The following RNLS variants were observed in gnomAD, a reference collection of about 807,000 sequenced individuals.
RNLS encodes renalase.
In RNLS, 39 loss-of-function variants were observed where a neutral mutation model predicts 39.8. The observed-to-expected ratio is 0.98, with a 90% CI of 0.76 to 1.28. The LOEUF (loss-of-function observed/expected upper bound fraction) is 1.28. RNLS is among the 50% of genes most tolerant of loss of function. The probability of loss-of-function intolerance (pLI) is 0.00; values close to 1 mark genes in which losing one functional copy is unlikely to be tolerated. For synonymous variants in RNLS, 147 were observed against 150.7 expected (o/e 0.98, Z 0.18); for missense variants, 410 against 413.3 (o/e 0.99, Z 0.07).
At chr10:88,248,304 G>A in the RNLS span, among the ~76,000 whole-genome samples, 18 of 152,284 alleles carry the variant, frequency 1.2e-4, no homozygotes, top group Admixed American at 1.1e-3. Flanking sequence ...GTGGCAAAGA[G>A]CACAAATTCT....
intron 4 of RNLS, among the ~76,000 whole-genome samples, chr10:88,434,538 G>C (rs1161021507): frequency 6.6e-6 from 1 of 152,132 alleles, no homozygotes; most frequent in East Asian, 1.9e-4. Flanking sequence ...GAGTTTCTGA[G>C]CTAGTTGCTT....
At chr10:88,535,969 C>G (rs1847734187) in intron 4 of RNLS, among the ~76,000 whole-genome samples, 1 of 152,108 alleles carries the variant, frequency 6.6e-6, no homozygotes, top group Non-Finnish European at 1.5e-5. Flanking sequence ...GAAATATCCT[C>G]CATCTCAGTA....
rs1279851384 is a variant in RNLS at position 88,371,793 on chromosome 10, A to T, written c.527-9068T>A. Among the ~76,000 whole-genome samples, 3 of 152,176 alleles carry T rather than the reference A, an allele frequency of 2.0e-5. No individual in the cohort carries two copies. In the East Asian group the frequency reaches 5.8e-4, roughly 29 times the overall value. ...TATGGAGAATGCTAATCATTACCTG[A>T]ATACAAATCATGACTTGAATACACC... On this transcript the variant is annotated intron_variant, in intron 4 of 6. Transcript: ENST00000331772.
At chr10:88,565,833 T>A (rs1038623003) in intron 4 of RNLS, among the ~76,000 whole-genome samples, 14 of 141,282 alleles carry the variant, frequency 9.9e-5, no homozygotes, top group Non-Finnish European at 3.0e-5. Flanking sequence ...CACTGCAACC[T>A]CCGCCTCCCA....
intron 4 of RNLS, among the ~76,000 whole-genome samples, chr10:88,542,418 C>A (rs1216953533): frequency 1.3e-5 from 2 of 152,140 alleles, no homozygotes; most frequent in Non-Finnish European, 2.9e-5. Flanking sequence ...TCTAAAAAGA[C>A]AACGTGTACA....
intron 4 of RNLS, among the ~76,000 whole-genome samples, chr10:88,436,258 G>T (rs1841404150): frequency 1.3e-5 from 2 of 152,148 alleles, no homozygotes; most frequent in African/African-American, 4.8e-5. Flanking sequence ...AGTGTGATGA[G>T]ACCCAGGGGC....
intron 4 of RNLS, among the ~76,000 whole-genome samples, chr10:88,493,060 G>T (rs1037310141): frequency 1.3e-5 from 2 of 151,784 alleles, no homozygotes; most frequent in African/African-American, 4.8e-5. Flanking sequence ...AATCTTTTTC[G>T]GTTATTTGAG....
intron 4 of RNLS, among the ~76,000 whole-genome samples, chr10:88,461,315 GA>G (rs1274668294): frequency 6.6e-6 from 1 of 152,098 alleles, no homozygotes; most frequent in Non-Finnish European, 1.5e-5. Flanking sequence ...CTCCTTGCAT[GA>G]AATTGCTAAC....
intron 3 of RNLS, among the ~76,000 whole-genome samples, chr10:88,578,974 T>A (rs969184769): frequency 2.6e-5 from 4 of 152,152 alleles, no homozygotes; most frequent in African/African-American, 9.7e-5. Flanking sequence ...TATATATGCA[T>A]GTGTAGGGGT....
At chr10:88,516,771 C>T (rs1174239048) in intron 4 of RNLS, among the ~76,000 whole-genome samples, 1 of 151,990 alleles carries the variant, frequency 6.6e-6, no homozygotes, top group Non-Finnish European at 1.5e-5. Flanking sequence ...GACACCAAGT[C>T]CTTGAGAGTG....
the RNLS span, among the ~76,000 whole-genome samples, chr10:88,220,276 T>G: frequency 6.6e-6 from 1 of 152,170 alleles, no homozygotes; most frequent in Non-Finnish European, 1.5e-5. Flanking sequence ...TTCCTTTGCT[T>G]GGAGTCAGCT....
chr10:88,441,195 C>T (rs2133849797), intron 4 of RNLS, among the ~76,000 whole-genome samples: 1 of 152,260 alleles, frequency 6.6e-6, no homozygotes, highest in South Asian at 2.1e-4. Flanking sequence ...TTTTGGGAAC[C>T]CATGGCAATT....
chr10:88,197,301 G>A, the RNLS span, among the ~76,000 whole-genome samples: 1 of 152,180 alleles, frequency 6.6e-6, no homozygotes, highest in Non-Finnish European at 1.5e-5. Context: ...AATAAAGACT[G>A]TTTTCTTTTA....
downstream of RNLS, among the ~76,000 whole-genome samples, chr10:88,282,230 C>A (rs1303374279): frequency 6.6e-6 from 1 of 152,056 alleles, no homozygotes; most frequent in Non-Finnish European, 1.5e-5. Context: ...AATAAGAAGA[C>A]CACATGATGC....
the RNLS span, among the ~76,000 whole-genome samples, chr10:88,194,318 C>G: frequency 6.6e-6 from 1 of 152,274 alleles, no homozygotes; most frequent in African/African-American, 2.4e-5. Flanking sequence ...ATTGTGATAG[C>G]CAAAAATGTC....
chr10:88,227,851 C>T, the RNLS span, among the ~76,000 whole-genome samples: 2 of 152,154 alleles, frequency 1.3e-5, no homozygotes, highest in African/African-American at 2.4e-5. Context: ...CGTAGACGCT[C>T]GTCATCCCTT....
intron 6 of RNLS, among the ~76,000 whole-genome samples, chr10:88,310,623 A>T (rs1186527584): frequency 6.6e-6 from 1 of 151,682 alleles, no homozygotes; most frequent in Non-Finnish European, 1.5e-5. Context: ...AGACCCCGTG[A>T]CTACAAACAT....
Position 88,549,399 on chromosome 10 carries a change from TA to T in RNLS, c.526+23503del, listed in dbSNP as rs79316818. ...GCAAAACCCTGTCCCTACAAAAAAT[TA>T]AAAAAAAAAAAAACAAGTTGTCAGG... On this transcript the variant is annotated intron_variant, in intron 4 of 6. Transcript: ENST00000331772. Among the ~76,000 whole-genome samples, 697 of 136,324 alleles carry T rather than the reference TA, an allele frequency of 5.1e-3. 4 individuals are homozygous for T. The highest frequency in any genetic ancestry group is 0.022 in the Middle Eastern group (6 of 268). 89.4% of individuals were successfully genotyped at this position (136,324 alleles called of 152,430 possible).
At chr10:88,462,494 G>A (rs909601274) in intron 4 of RNLS, among the ~76,000 whole-genome samples, 9 of 151,848 alleles carry the variant, frequency 5.9e-5, no homozygotes, top group African/African-American at 1.5e-4. Flanking sequence ...TGTATCCCAA[G>A]CATTATGTCC....
Sources: allele counts gnomAD v4.1 joint callset (sites outside exome capture counted in the v4.1 genomes callset), GRCh38; gene constraint gnomAD v4.1.1; transcripts MANE v1.5; gene names NCBI Gene and HGNC (gene_info 2026-07-23, HGNC 2026-07-21).